LPIN2: variants seen among roughly 807,000 people sequenced by gnomAD.
LPIN2 encodes the protein phosphatidate phosphatase LPIN2.
In LPIN2, 55 loss-of-function variants were observed where a neutral mutation model predicts 111.4. The observed-to-expected ratio is 0.49, with a 90% CI of 0.40 to 0.62. The LOEUF (loss-of-function observed/expected upper bound fraction) is 0.62. LPIN2 is among the 20% of genes least tolerant of loss of function. LPIN2 has a pLI of 0.00. For synonymous variants in LPIN2, 425 were observed against 414.0 expected, an observed-to-expected ratio of 1.03 and a Z score of -0.32; for missense variants, 992 against 1,112.1, an observed-to-expected ratio of 0.89 and a Z score of 1.54.
At position 2,923,962 on chromosome 18, in the gene LPIN2, G is replaced by A. The variant is rs2077094190; in HGVS notation, c.2088-101C>T. On this transcript the variant is annotated intron_variant, in intron 15 of 19. Coordinates refer to ENST00000677752, the MANE Select transcript of LPIN2 (RefSeq NM_001375808.2). ...AGCTGCCAATAACTAATTGGTGGCG[G>A]GACACTCTTGAAAGGGGATTTAATC... is the stretch of plus-strand genomic sequence containing the variant. The A allele has an allele frequency of 6.5e-6, 6 of 924,436 alleles. No homozygotes were observed. The East Asian group carries it at 1.4e-4, about 22-fold the overall frequency. The allele number at this position is 924,436 out of a possible 1,614,324, so 57.3% of individuals were successfully genotyped here.
chr18:2,960,969 C>T (rs1289893879), intron 1 of LPIN2, 120 bp from the exon 2 acceptor site: 5 of 788,384 alleles, frequency 6.3e-6, no homozygotes, highest in Non-Finnish European at 8.4e-6. Context: ...ATATCATTAG[C>T]CTTATTAATT....
chr18:2,959,420 T>A (rs1374673954), intron 2 of LPIN2, among the ~76,000 whole-genome samples: 1 of 152,238 alleles, frequency 6.6e-6, no homozygotes, highest in Non-Finnish European at 1.5e-5. Flanking sequence ...AAAATAAATG[T>A]TTTCGACTTA....
At chr18:2,968,120 T>C (rs28549715) in intron 1 of LPIN2, among the ~76,000 whole-genome samples, 4,655 of 152,216 alleles carry the variant, frequency 0.031, 232 homozygotes, top group African/African-American at 0.11. Context: ...GTAGGGCGAC[T>C]GGTCAAAGTG....
At chr18:2,983,269 C>T (rs2078139197) in intron 1 of LPIN2, among the ~76,000 whole-genome samples, 3 of 152,136 alleles carry the variant, frequency 2.0e-5, no homozygotes, top group Admixed American at 6.5e-5. Flanking sequence ...CTCCAAGAGC[C>T]CAACTACTGA....
intron 1 of LPIN2, among the ~76,000 whole-genome samples, chr18:2,961,932 G>A (rs138129682): frequency 3.1e-4 from 47 of 152,296 alleles, no homozygotes; most frequent in African/African-American, 1.1e-3. Flanking sequence ...TAAGCAGCTC[G>A]TGGTTTCTCT....
chr18:2,926,679 G>C (rs750920639), intron 13 of LPIN2, 44 bp downstream of exon 13: 4 of 1,540,008 alleles, frequency 2.6e-6, no homozygotes, highest in Non-Finnish European at 2.7e-6. Context: ...GGCCCTGCTA[G>C]AGGGCCTGAG....
At position 2,954,459 on chromosome 18, in the gene LPIN2, G is replaced by T. The variant is rs780379071; in HGVS notation, c.288+45C>A. Reference sequence around the variant, plus strand: ...GGTCCGTCTGGGCCACGTACCAGAGGCCTGAGCACACTGTGTAAGGAGGGT... The same window carrying T: ...GGTCCGTCTGGGCCACGTACCAGAGTCCTGAGCACACTGTGTAAGGAGGGT... On this transcript the variant is annotated intron_variant, in intron 3 of 19. Coordinates refer to ENST00000677752, the MANE Select transcript of LPIN2 (RefSeq NM_001375808.2). The T allele has an allele frequency of 6.1e-5, 85 of 1,382,370 alleles. No individual in the cohort carries two copies. The Middle Eastern group carries it at 8.8e-4, about 14-fold the overall frequency. 85.6% of individuals were successfully genotyped at this position (1,382,370 alleles called of 1,614,324 possible).
intron 7 of LPIN2, 76 bp downstream of exon 7, chr18:2,937,616 T>C: frequency 4.8e-6 from 4 of 838,864 alleles, no homozygotes; most frequent in South Asian, 1.3e-5. Flanking sequence ...GAGGCAGCCA[T>C]CACGTTATGT....
intron 1 of LPIN2, among the ~76,000 whole-genome samples, chr18:3,000,272 A>G (rs2078415535): frequency 1.3e-5 from 2 of 152,232 alleles, no homozygotes; most frequent in Non-Finnish European, 2.9e-5. Flanking sequence ...TAGACTTTTT[A>G]AAGTACAGAA....
intron 1 of LPIN2, among the ~76,000 whole-genome samples, chr18:3,006,906 AG>A (rs1230178430): frequency 6.6e-6 from 1 of 151,698 alleles, no homozygotes; most frequent in Non-Finnish European, 1.5e-5. Flanking sequence ...AGGCTGAGGT[AG>A]GAGGATTGCT....
chr18:2,974,980 C>T (rs998728660), intron 1 of LPIN2, among the ~76,000 whole-genome samples: 14 of 152,160 alleles, frequency 9.2e-5, no homozygotes, highest in African/African-American at 3.1e-4. Flanking sequence ...GCCTAGGCAA[C>T]AGAGCAAGAT....
At chr18:2,967,218 G>C (rs2077819417) in intron 1 of LPIN2, among the ~76,000 whole-genome samples, 3 of 151,982 alleles carry the variant, frequency 2.0e-5, no homozygotes, top group South Asian at 4.2e-4. Flanking sequence ...CTATACTCAG[G>C]GTCCCAACTT....
intron 1 of LPIN2, among the ~76,000 whole-genome samples, chr18:3,003,996 C>A (rs2078473082): frequency 6.7e-6 from 1 of 148,962 alleles, no homozygotes; most frequent in Non-Finnish European, 1.5e-5. Context: ...TATTAACGGC[C>A]GCTCTGGGAT....
intron 2 of LPIN2, among the ~76,000 whole-genome samples, chr18:2,955,000 C>T (rs940873818): frequency 1.3e-5 from 2 of 152,176 alleles, no homozygotes; most frequent in African/African-American, 4.8e-5. Flanking sequence ...TGAGCAACTG[C>T]ATCAAGTACA....
chr18:2,921,526 TACTC>T lies in LPIN2; in HGVS notation c.2442+3_2442+6del, dbSNP rs2144115996. On this transcript the variant is annotated splice_donor_5th_base_variant and intron_variant, in intron 18 of 19. Transcript: ENST00000677752. Reference sequence around the variant, plus strand: ...ACATCAGAACCCAGAGCCCAGGAGATACTCACATTTGGACGGTTTCCAAAGGCAG... The same window carrying T: ...ACATCAGAACCCAGAGCCCAGGAGATACATTTGGACGGTTTCCAAAGGCAG... 1.9e-6 allele frequency: 3 copies of T among 1,600,542 alleles called. No individual in the cohort carries two copies. Among genetic ancestry groups the T allele is most frequent in the Non-Finnish European group, 2.6e-6 (3 of 1,167,578 alleles).
At chr18:2,943,314 G>A (rs1271348719) in intron 4 of LPIN2, among the ~76,000 whole-genome samples, 1 of 151,948 alleles carries the variant, frequency 6.6e-6, no homozygotes, top group Admixed American at 6.6e-5. Context: ...TTATGTATGA[G>A]TCTAAGATAA....
At chr18:2,982,687 T>C in intron 1 of LPIN2, 2 of 1,302,588 alleles carry the variant, frequency 1.5e-6, no homozygotes, top group Non-Finnish European at 2.0e-6. Flanking sequence ...AGGAGGGGAC[T>C]TGTCATGGTA....
chr18:2,934,578 G>C, intron 7 of LPIN2, 128 bp from the exon 8 acceptor site: 8 of 691,912 alleles, frequency 1.2e-5, no homozygotes, highest in Non-Finnish European at 1.8e-5. Context: ...TTTTAAAGGT[G>C]TCAACCAGCC....
chr18:3,010,251 CAGTT>C (rs1195756231), intron 1 of LPIN2, among the ~76,000 whole-genome samples: 1 of 110,522 alleles, frequency 9.0e-6, no homozygotes, highest in Admixed American at 9.5e-5. Flanking sequence ...CCAAAAATCA[CAGTT>C]AATTACCAAA....
Sources: allele counts gnomAD v4.1 joint callset (sites outside exome capture counted in the v4.1 genomes callset), GRCh38; gene constraint gnomAD v4.1.1; transcripts MANE v1.5; gene names NCBI Gene and HGNC (gene_info 2026-07-23, HGNC 2026-07-21).